Variants in ZNF107 observed in about 807,000 individuals in gnomAD.
The protein encoded by ZNF107 is zinc finger protein 107, also known as C2H2 type zinc-finger protein.
In ZNF107, 19 loss-of-function variants were observed where a neutral mutation model predicts 12.3. The ratio of observed to expected loss-of-function variants is 1.55; its 90% CI spans 1.08 to 2.27. The LOEUF is 2.27. ZNF107 is among the 30% of genes most tolerant of loss of function. The pLI, the probability that ZNF107 is intolerant of heterozygous loss-of-function variation, is 0.00. For missense variants in ZNF107, 958 were observed against 979.9 expected (o/e 0.98, Z 0.30); for synonymous variants, 317 against 330.5 (o/e 0.96, Z 0.44).
In ZNF107 at chr7:64,666,289, A is replaced by G; in HGVS notation, c.3+4A>G. On this transcript the variant is annotated splice_donor_region_variant and intron_variant, in intron 1 of 3. Coordinates refer to ENST00000620827, the MANE Select transcript of ZNF107 (RefSeq NM_001282359.2). ...ACTCCCTGGAAACCTAGAAATGGTG[A>G]GAGTGCTGGGTCCGACATCCCGAGA... The G allele has an allele frequency of 1.9e-6, 3 of 1,609,878 alleles. No individual in the cohort carries two copies. Among genetic ancestry groups the G allele is most frequent in the South Asian group, 2.2e-5 (2 of 90,988 alleles).
rs193054770 is a variant in ZNF107, at chr7:64,703,152, A to G, written c.227-3172A>G. Among the ~76,000 whole-genome samples the G allele has an allele frequency of 3.3e-5, 5 of 152,324 alleles. No homozygotes were observed. In the East Asian group the frequency reaches 5.8e-4, roughly 18 times the overall value. ...TATATTTTAGGATGTGCCACCTCAC[A>G]CCAGTTAATTGTATTTTGATAGTTT... is the stretch of plus-strand genomic sequence containing the variant. On this transcript the variant is annotated intron_variant, in intron 3 of 3. Transcript: ENST00000620827.
At chr7:64,692,137 T>G (rs145341097) in intron 3 of ZNF107, among the ~76,000 whole-genome samples, 177 bp downstream of exon 3, 51 of 152,330 alleles carry the variant, frequency 3.3e-4, no homozygotes, top group African/African-American at 1.2e-3. Context: ...TCTTATGCTT[T>G]TAAATTCTCT....
At chr7:64,671,867 T>C (rs9638203) in intron 1 of ZNF107, among the ~76,000 whole-genome samples, 6,938 of 150,138 alleles carry the variant, frequency 0.046, 432 homozygotes, top group African/African-American at 0.14. Flanking sequence ...CTGCAAGCTC[T>C]GCCTCCCGGG....
intron 3 of ZNF107, among the ~76,000 whole-genome samples, chr7:64,705,434 A>AATTTTAAAATTAATTTGTACATTTTT (rs1790607296): frequency 6.6e-6 from 1 of 151,990 alleles, no homozygotes; most frequent in African/African-American, 2.4e-5. Context: ...TTTACTTTAA[A>AATTTTAAAATTAATTTGTACATTTTT]ATTTTAAAAT....
rs1790113332 is a variant in ZNF107, at chr7:64,691,377, G to A, written c.130+3G>A. ...CTACAGAAACCTGGTCTTTTTGGGTGAGGATAACTTCAATACACAATTCCC... is the reference window on the plus strand; with the variant it reads ...CTACAGAAACCTGGTCTTTTTGGGTAAGGATAACTTCAATACACAATTCCC... On this transcript the variant is annotated splice_donor_region_variant and intron_variant, in intron 2 of 3. Coordinates refer to ENST00000620827, the MANE Select transcript of ZNF107 (RefSeq NM_001282359.2). 6.8e-7 allele frequency: 1 copy of A among 1,469,032 alleles called. No individual in the cohort carries two copies. The highest frequency in any genetic ancestry group is 1.8e-4 in the Middle Eastern group (1 of 5,488). 91.0% of individuals were successfully genotyped at this position (1,469,032 alleles called of 1,614,324 possible).
intron 1 of ZNF107, chr7:64,684,822 T>A (rs1789836667): frequency 1.3e-6 from 1 of 780,722 alleles, no homozygotes; most frequent in Non-Finnish European, 1.6e-6. Flanking sequence ...TCCTGCTCCT[T>A]TGGCTACCTG....
chr7:64,683,509 T>G (rs1297276080), intron 1 of ZNF107, among the ~76,000 whole-genome samples: 1 of 152,232 alleles, frequency 6.6e-6, no homozygotes, highest in Non-Finnish European at 1.5e-5. Flanking sequence ...ACTACTCTTC[T>G]TCTGAAAACC....
intron 3 of ZNF107, among the ~76,000 whole-genome samples, chr7:64,695,923 C>A (rs758330635): frequency 1.3e-5 from 2 of 152,060 alleles, no homozygotes; most frequent in African/African-American, 4.8e-5. Context: ...AGTTTTAAAT[C>A]TATTGAAGTG....
Position 64,708,245 on chromosome 7 carries a change from C to CAG in ZNF107, c.2148_2149insAG (p.Ser718ProfsTer9). On this transcript the variant is annotated frameshift_variant, in exon 4 of 4. Coordinates refer to ENST00000620827, the MANE Select transcript of ZNF107 (RefSeq NM_001282359.2). LOFTEE classifies it low-confidence loss of function (END_TRUNC). ...CAGAATGTGGCAAAGCCTTTAACTG[C>CAG]TCCTCAACCCTTAATAGACATAAGA... The CAG allele has an allele frequency of 6.2e-7, 1 of 1,612,930 alleles. No homozygotes were observed. Among genetic ancestry groups the CAG allele is most frequent in the Non-Finnish European group, 8.5e-7 (1 of 1,179,592 alleles).
intron 1 of ZNF107, among the ~76,000 whole-genome samples, chr7:64,681,431 G>A (rs907750596): frequency 7.3e-5 from 11 of 150,940 alleles, no homozygotes; most frequent in Middle Eastern, 3.4e-3. Context: ...CCCTCTCCTC[G>A]GCTGAGGCAT....
chr7:64,686,855 A>C (rs1789937307), intron 1 of ZNF107: 1 of 978,396 alleles, frequency 1.0e-6, no homozygotes, highest in Non-Finnish European at 1.2e-6. Flanking sequence ...GCCCACTAAC[A>C]CCCAAGTGAA....
Position 64,691,268 on chromosome 7 carries a change from T to C in ZNF107, c.24T>C (p.Asp8=). The C allele has an allele frequency of 5.8e-6, 9 of 1,539,790 alleles. No individual in the cohort carries two copies. Among genetic ancestry groups the C allele is most frequent in the Non-Finnish European group, 7.9e-6 (9 of 1,144,178 alleles). The change falls in exon 2 of 4, where the codon GAT becomes GAC. Residue 8 remains aspartate, a synonymous_variant. Transcript: ENST00000620827. ...TTCAGGAACCACTGACATTTAAAGA[T>C]GTCGCCATAGAATTCTCTCTGGAGG... MEPLTFK[D]VAIEFSLEEW...
rs1365182257 is a variant in ZNF107, at chr7:64,708,474, G to A, written c.2377G>A (p.Glu793Lys). 1 of 1,612,680 alleles carries A rather than the reference G, an allele frequency of 6.2e-7. No homozygotes were observed. The highest frequency in any genetic ancestry group is 8.5e-7 in the Non-Finnish European group (1 of 1,179,534). The change falls in exon 4 of 4, where the codon GAA becomes AAA. Residue 793 changes from glutamate (E) to lysine (K), a missense_variant. Physicochemically the swap from Glu to Lys is moderately conservative, Grantham distance 56. Transcript: ENST00000620827. ...TTCAGAGAAACCCTACAAATGTGAA[G>A]AATGTGGCAAATCCTTTAACCAGTT... Reference protein sequence around the residue: ...HTSEKPYKCEECGKSFNQFSS... With the variant: ...HTSEKPYKCEKCGKSFNQFSS...
chr7:64,688,501 G>T (rs1167274069), intron 1 of ZNF107, among the ~76,000 whole-genome samples: 3 of 151,784 alleles, frequency 2.0e-5, no homozygotes, highest in Non-Finnish European at 4.4e-5. Flanking sequence ...CAGGTGATCT[G>T]CCTGCCTCGG....
chr7:64,702,872 G>C (rs1790523025), intron 3 of ZNF107, among the ~76,000 whole-genome samples: 1 of 151,908 alleles, frequency 6.6e-6, no homozygotes, highest in Non-Finnish European at 1.5e-5. Flanking sequence ...CTCTTTTTTT[G>C]GGAAGTCTTT....
intron 1 of ZNF107, among the ~76,000 whole-genome samples, chr7:64,677,739 C>T (rs1249885447): frequency 6.6e-6 from 1 of 150,734 alleles, no homozygotes; most frequent in Non-Finnish European, 1.5e-5. Flanking sequence ...ATAGACCCAG[C>T]TACTTGGGAG....
At chr7:64,671,909 G>A (rs1367981451) in intron 1 of ZNF107, among the ~76,000 whole-genome samples, 2 of 151,424 alleles carry the variant, frequency 1.3e-5, no homozygotes, top group African/African-American at 4.9e-5. Context: ...AGCCTCCCGA[G>A]TAGCTGGGAC....
At chr7:64,675,843 G>A (rs1479698038) in intron 1 of ZNF107, among the ~76,000 whole-genome samples, 1 of 152,112 alleles carries the variant, frequency 6.6e-6, no homozygotes, top group Non-Finnish European at 1.5e-5. Flanking sequence ...TTACCAAAAA[G>A]TCATTCAGGT....
rs768851276 is a variant in ZNF107 at position 64,708,663 on chromosome 7, C to G, written c.*7C>G. Reference sequence around the variant, plus strand: ...TGAGTATGGCAAAACTTAATTGATCCTACAAGCTTACTACACATAGGAAAA... The same window carrying G: ...TGAGTATGGCAAAACTTAATTGATCGTACAAGCTTACTACACATAGGAAAA... On this transcript the variant is annotated 3_prime_UTR_variant, in exon 4 of 4. Coordinates refer to ENST00000620827, the MANE Select transcript of ZNF107 (RefSeq NM_001282359.2). The G allele has an allele frequency of 1.3e-6, 2 of 1,588,556 alleles. No homozygotes were observed. The highest frequency in any genetic ancestry group is 2.3e-5 in the South Asian group (2 of 87,954).
Sources: allele counts gnomAD v4.1 joint callset (sites outside exome capture counted in the v4.1 genomes callset), GRCh38; gene constraint gnomAD v4.1.1; transcripts MANE v1.5; gene names NCBI Gene and HGNC (gene_info 2026-07-23, HGNC 2026-07-21).